DDX60L: variants seen among roughly 807,000 people sequenced by gnomAD.
DDX60L encodes DExD/H-box 60 like.
In DDX60L, 191 loss-of-function variants were observed where a neutral mutation model predicts 211.6. The observed-to-expected ratio is 0.90, with a 90% CI of 0.80 to 1.02. The LOEUF is 1.02. DDX60L is among the 50% of genes least tolerant of loss of function. The probability of loss-of-function intolerance (pLI) is 0.00; values close to 1 mark genes in which losing one functional copy is unlikely to be tolerated. For missense variants in DDX60L, 2,007 were observed against 1,984.1 expected (o/e 1.01, Z -0.22); for synonymous variants, 706 against 694.1 (o/e 1.02, Z -0.27).
chr4:168,437,482 C>T (rs1270922402), intron 10 of DDX60L, among the ~76,000 whole-genome samples: 4 of 150,942 alleles, frequency 2.7e-5, no homozygotes, highest in African/African-American at 9.9e-5. Context: ...AGTCCAACCC[C>T]CGCAACTAAC....
intron 17 of DDX60L, among the ~76,000 whole-genome samples, chr4:168,421,075 T>A (rs2149876256): frequency 6.6e-6 from 1 of 152,280 alleles, no homozygotes; most frequent in African/African-American, 2.4e-5. Flanking sequence ...CATATATACC[T>A]GGCTGTATTT....
At chr4:168,378,504 TA>T in intron 32 of DDX60L, 29 bp from the exon 33 acceptor site, 1 of 1,483,064 alleles carries the variant, frequency 6.7e-7, no homozygotes, top group Non-Finnish European at 9.0e-7. Context: ...TTATTATAAA[TA>T]AGAATAATGT....
chr4:168,445,485 T>C (rs1268181665), intron 9 of DDX60L, among the ~76,000 whole-genome samples: 7 of 152,118 alleles, frequency 4.6e-5, no homozygotes, highest in Non-Finnish European at 1.0e-4. Context: ...TCTGAAACTA[T>C]TCCAATCAAT....
intron 5 of DDX60L, among the ~76,000 whole-genome samples, chr4:168,459,649 G>A (rs910575722): frequency 6.6e-6 from 1 of 152,042 alleles, no homozygotes; most frequent in Admixed American, 6.6e-5. Flanking sequence ...CAACTTGGGA[G>A]GCCAAGGCAG....
chr4:168,477,209 A>C (rs955424053), intron 1 of DDX60L, among the ~76,000 whole-genome samples: 1 of 152,042 alleles, frequency 6.6e-6, no homozygotes, highest in Admixed American at 6.6e-5. Flanking sequence ...AGGTCAGGAG[A>C]TCGAGACCAT....
intron 30 of DDX60L, among the ~76,000 whole-genome samples, chr4:168,384,248 T>G (rs1743459621): frequency 6.6e-6 from 1 of 152,108 alleles, no homozygotes; most frequent in Non-Finnish European, 1.5e-5. Context: ...AGAACCCTAA[T>G]ACAGTGGGTG....
intron 12 of DDX60L, 127 bp downstream of exon 12, chr4:168,432,328 T>G (rs1752483365): frequency 4.7e-6 from 1 of 213,390 alleles, no homozygotes; most frequent in Admixed American, 6.0e-5. Flanking sequence ...ATATATTATA[T>G]ATAATATATA....
chr4:168,411,916 G>T (rs183511896), intron 22 of DDX60L, among the ~76,000 whole-genome samples: 1 of 152,060 alleles, frequency 6.6e-6, no homozygotes, highest in East Asian at 1.9e-4. Flanking sequence ...GCCACAGTAG[G>T]ATAGAGCACT....
intron 30 of DDX60L, among the ~76,000 whole-genome samples, chr4:168,383,305 G>A (rs1743281334): frequency 6.6e-6 from 1 of 152,182 alleles, no homozygotes; most frequent in Non-Finnish European, 1.5e-5. Flanking sequence ...CTGTTGACGT[G>A]AAAAATACTG....
intron 14 of DDX60L, among the ~76,000 whole-genome samples, chr4:168,426,173 G>A (rs922993518): frequency 2.6e-4 from 39 of 152,112 alleles, no homozygotes; most frequent in African/African-American, 9.2e-4. Flanking sequence ...TCTGGTAACC[G>A]TTCACTCCCC....
intron 29 of DDX60L, chr4:168,390,150 C>T: frequency 1.0e-6 from 1 of 989,804 alleles, no homozygotes; most frequent in Non-Finnish European, 1.2e-6. Context: ...GCTAAGTCAT[C>T]AGGGCAGGAT....
chr4:168,456,223 T>A, intron 6 of DDX60L, 71 bp from the exon 7 acceptor site: 2 of 894,396 alleles, frequency 2.2e-6, no homozygotes, highest in Non-Finnish European at 3.2e-6. Flanking sequence ...GTGCTCTTAC[T>A]TGTAAGAAAC....
At chr4:168,377,998 T>G (rs1742278530) in intron 33 of DDX60L, among the ~76,000 whole-genome samples, 1 of 152,196 alleles carries the variant, frequency 6.6e-6, no homozygotes, top group African/African-American at 2.4e-5. Flanking sequence ...ATAATGTAAT[T>G]CCTTCCCTGC....
chr4:168,456,209 A>T, intron 6 of DDX60L, 57 bp from the exon 7 acceptor site: 1 of 1,066,142 alleles, frequency 9.4e-7, no homozygotes, highest in Non-Finnish European at 1.3e-6. Flanking sequence ...TCTTTTACTC[A>T]GAAGTGCTCT....
At chr4:168,390,469 T>C in intron 29 of DDX60L, 9 of 1,370,284 alleles carry the variant, frequency 6.6e-6, no homozygotes, top group Non-Finnish European at 8.4e-6. Flanking sequence ...GAAATGGAGA[T>C]AAACTCCTTT....
In DDX60L at chr4:168,379,475, C is replaced by A. The variant is rs959745035; in HGVS notation, c.4251G>T (p.Lys1417Asn). Residue 1417 changes from lysine (K) to asparagine (N), a missense_variant, in exon 32 of 38, where the codon AAG (lysine) becomes AAT (asparagine). By Grantham distance (94) the Lys-to-Asn change is moderately conservative. Coordinates refer to ENST00000682922, the MANE Select transcript of DDX60L (RefSeq NM_001012967.3). The stretch of plus-strand genomic sequence containing the variant: ...AATATGATGCAAGTCCTGCAAATTT[C>A]TTTGGATTACCCTTTTTATTTAAAT... Reference protein sequence around the residue: ...EDYLNKKGNPKKFAGLASYLH... With the variant: ...EDYLNKKGNPNKFAGLASYLH... 1.3e-6 allele frequency: 2 copies of A among 1,584,112 alleles called. No individual in the cohort carries two copies. The highest frequency in any genetic ancestry group is 2.7e-5 in the African/African-American group (2 of 73,006).
intron 36 of DDX60L, among the ~76,000 whole-genome samples, chr4:168,369,178 T>C (rs1740510261): frequency 6.6e-6 from 1 of 152,160 alleles, no homozygotes; most frequent in African/African-American, 2.4e-5. Context: ...ACTCCCACAA[T>C]TCCCATGTGT....
intron 34 of DDX60L, among the ~76,000 whole-genome samples, chr4:168,374,446 C>G: frequency 6.6e-6 from 1 of 152,136 alleles, no homozygotes; most frequent in Middle Eastern, 3.2e-3. Flanking sequence ...TCCATTTATT[C>G]TCCCCTAAAA....
chr4:168,451,175 T>C lies in DDX60L; in HGVS notation c.996+1949A>G, dbSNP rs539998886. On this transcript the variant is annotated intron_variant, in intron 8 of 37. Coordinates refer to ENST00000682922, the MANE Select transcript of DDX60L (RefSeq NM_001012967.3). ...TGACCACTAAATTCTGGAATATCTC[T>C]GGACCCTGAACCTAGATGTCCTCTC... Among the ~76,000 whole-genome samples the C allele has an allele frequency of 1.7e-4, 26 of 152,330 alleles. No individual in the cohort carries two copies. The South Asian group carries it at 5.2e-3, about 30-fold the overall frequency.
Sources: allele counts gnomAD v4.1 joint callset (sites outside exome capture counted in the v4.1 genomes callset), GRCh38; gene constraint gnomAD v4.1.1; transcripts MANE v1.5; gene names NCBI Gene and HGNC (gene_info 2026-07-23, HGNC 2026-07-21).